HYDIN: variants seen among roughly 807,000 people sequenced by gnomAD.
HYDIN encodes the protein HYDIN axonemal central pair apparatus protein.
In HYDIN, 132 loss-of-function variants were observed where a neutral mutation model predicts 403.9. The ratio of observed to expected loss-of-function variants is 0.33; its 90% confidence interval spans 0.28 to 0.38. The LOEUF (loss-of-function observed/expected upper bound fraction) is 0.38. HYDIN is among the 10% of genes least tolerant of loss of function. HYDIN has a pLI of 1.00. For missense variants in HYDIN, 2,827 were observed against 5,009.5 expected (o/e 0.56, Z 13.15); for synonymous variants, 1,202 against 1,891.7 (o/e 0.64, Z 9.46).
At chr16:71,161,556 G>T (rs8061400) in intron 6 of HYDIN, among the ~76,000 whole-genome samples, 1 of 151,938 alleles carries the variant, frequency 6.6e-6, no homozygotes, top group Non-Finnish European at 1.5e-5. Flanking sequence ...TCTATCCCTC[G>T]GTTTTCTCAT....
intron 75 of HYDIN, among the ~76,000 whole-genome samples, chr16:70,849,223 A>G (rs1014734253): frequency 2.0e-5 from 3 of 152,166 alleles, no homozygotes; most frequent in East Asian, 1.9e-4. Flanking sequence ...AAAATACCAC[A>G]AAGCTCACTG....
chr16:71,214,819 TG>T (rs1219511529), intron 1 of HYDIN, among the ~76,000 whole-genome samples: 2 of 145,540 alleles, frequency 1.4e-5, no homozygotes, highest in African/African-American at 4.8e-5. Flanking sequence ...AGCCTTAAAC[TG>T]CTTTTATTTC....
At chr16:70,851,203 CAAAAAA>C (rs4028101) in intron 73 of HYDIN, among the ~76,000 whole-genome samples, 2 of 22,176 alleles carry the variant, frequency 9.0e-5, no homozygotes, top group South Asian at 1.6e-3. Context: ...ATCAATCCTG[CAAAAAA>C]AAAAAAAAAA....
intron 1 of HYDIN, among the ~76,000 whole-genome samples, chr16:71,214,764 G>C (rs544452412): frequency 1.2e-4 from 19 of 152,224 alleles, no homozygotes; most frequent in South Asian, 8.3e-4. Flanking sequence ...GGTCCCAGTG[G>C]GACAAAACCT....
At chr16:71,164,157 G>A (rs1165120329) in intron 5 of HYDIN, among the ~76,000 whole-genome samples, 1 of 133,490 alleles carries the variant, frequency 7.5e-6, no homozygotes, top group Non-Finnish European at 1.6e-5. Context: ...TCCTTTTATT[G>A]TGTGTTTTAG....
At position 71,102,415 on chromosome 16, in the gene HYDIN, A is replaced by G. The variant is rs113937584; in HGVS notation, c.1328-8480T>C. On this transcript the variant is annotated intron_variant, in intron 10 of 85. Transcript: ENST00000393567. ...TACATTTTGTTGTGTGTTTGTGTGC[A>G]CAAAATTGTTTATTATATGGGTATT... Among the ~76,000 whole-genome samples, 1,414 of 152,238 alleles carry G rather than the reference A, an allele frequency of 9.3e-3. 15 individuals carry two copies. Among genetic ancestry groups the G allele is most frequent in the African/African-American group, 0.032 (1,343 of 41,560 alleles).
At chr16:70,924,986 A>G (rs1019977837) in intron 45 of HYDIN, among the ~76,000 whole-genome samples, 2 of 151,882 alleles carry the variant, frequency 1.3e-5, no homozygotes, top group Non-Finnish European at 1.5e-5. Flanking sequence ...AAGAAAAAGA[A>G]AAAGAAAAAA....
At chr16:71,154,276 CTT>C (rs1345418670) in intron 6 of HYDIN, among the ~76,000 whole-genome samples, 1 of 151,182 alleles carries the variant, frequency 6.6e-6, no homozygotes, top group African/African-American at 2.4e-5. Context: ...AAAAAATTTA[CTT>C]TTTGTGGGTA....
intron 84 of HYDIN, chr16:70,811,444 GT>G (rs1019923452): frequency 6.6e-6 from 1 of 152,482 alleles, no homozygotes; most frequent in Non-Finnish European, 1.5e-5. Context: ...CTCTAAAAAA[GT>G]TTTTTAAAAA....
intron 69 of HYDIN, 94 bp downstream of exon 69, chr16:70,861,954 A>G: frequency 8.1e-7 from 1 of 1,233,116 alleles, no homozygotes; most frequent in Non-Finnish European, 1.1e-6. Flanking sequence ...TAGGGCCAGA[A>G]AGGATGGTGG....
chr16:71,105,482 C>T (rs2083587070), intron 10 of HYDIN, among the ~76,000 whole-genome samples: 1 of 125,784 alleles, frequency 8.0e-6, no homozygotes, highest in Non-Finnish European at 1.7e-5. Flanking sequence ...CTAATTCAAT[C>T]TCCATTCTTT....
intron 1 of HYDIN, among the ~76,000 whole-genome samples, chr16:71,214,916 C>T (rs1044803207): frequency 4.6e-5 from 7 of 152,214 alleles, no homozygotes; most frequent in Non-Finnish European, 7.3e-5. Flanking sequence ...GTCCTAGACT[C>T]AGGCTCTGTC....
intron 8 of HYDIN, chr16:71,132,455 TTCTC>T (rs1427658295): frequency 3.2e-5 from 1 of 31,632 alleles, no homozygotes; most frequent in Admixed American, 3.9e-4. Context: ...AAAATATGAC[TTCTC>T]TCTGTCTCTC....
intron 30 of HYDIN, among the ~76,000 whole-genome samples, chr16:70,977,092 C>T (rs2078909915): frequency 6.6e-6 from 1 of 152,036 alleles, no homozygotes; most frequent in Admixed American, 6.6e-5. Flanking sequence ...GAAACCCCAC[C>T]CCACTGCTCT....
In HYDIN at chr16:70,955,396, C is replaced by T. The variant is rs1798337; in HGVS notation, c.6295G>A (p.Val2099Met). 11 of 1,609,060 alleles carry T rather than the reference C, an allele frequency of 6.8e-6. No homozygotes were observed. Among genetic ancestry groups the T allele is most frequent in the East Asian group, 6.7e-5 (3 of 44,870 alleles). Residue 2099 changes from valine to methionine, a missense_variant, in exon 40 of 86, where the codon GTG becomes ATG. Val to Met is a conservative substitution (Grantham distance 21, BLOSUM62 1). Coordinates refer to ENST00000393567, the MANE Select transcript of HYDIN (RefSeq NM_001270974.2). ...LCIRAAIEQS[V>M]KEGEEAAQEA... ...TTACCAGCCTCCTCTCCTTCCTTCA[C>T]GGACTGCTCTATGGCAGCCCTGATG... is the stretch of plus-strand genomic sequence containing the variant.
intron 66 of HYDIN, among the ~76,000 whole-genome samples, 198 bp from the exon 67 acceptor site, chr16:70,866,527 G>A (rs1303051764): frequency 1.3e-5 from 2 of 152,112 alleles, no homozygotes; most frequent in Non-Finnish European, 2.9e-5. Flanking sequence ...TAGTCATCTA[G>A]ATGAAAAATA....
chr16:70,948,643 C>T (rs77326832), intron 41 of HYDIN, among the ~76,000 whole-genome samples: 1 of 151,816 alleles, frequency 6.6e-6, no homozygotes, highest in African/African-American at 2.4e-5. Flanking sequence ...AAAAAGTGGG[C>T]AAAGGACATG....
rs759654765 is a variant in HYDIN at position 71,184,912 on chromosome 16, G to A, written c.214C>T (p.Pro72Ser). 1.8e-5 allele frequency: 29 copies of A among 1,610,148 alleles called. No homozygotes were observed. The highest frequency in any genetic ancestry group is 2.5e-5 in the Non-Finnish European group (29 of 1,177,460). ...RLAKTRLMCR[P>S]QIIELLDMGE... Reference sequence around the variant, plus strand: ...ATATCTAAGAGTTCGATGATCTGTGGTCGGCACATCAAACGTGTTTTTGCC... The same window carrying A: ...ATATCTAAGAGTTCGATGATCTGTGATCGGCACATCAAACGTGTTTTTGCC... Residue 72 changes from proline (P) to serine (S), a missense_variant, in exon 3 of 86, where the codon CCA (proline) becomes TCA (serine). Pro to Ser is a moderately conservative substitution (Grantham distance 74). Coordinates refer to ENST00000393567, the MANE Select transcript of HYDIN (RefSeq NM_001270974.2).
chr16:71,023,113 G>T (rs984890704), intron 21 of HYDIN, among the ~76,000 whole-genome samples: 7 of 152,166 alleles, frequency 4.6e-5, no homozygotes, highest in South Asian at 4.1e-4. Flanking sequence ...CAGTGCAGCT[G>T]TTGCCAATAA....
Sources: allele counts gnomAD v4.1 joint callset (sites outside exome capture counted in the v4.1 genomes callset), GRCh38; gene constraint gnomAD v4.1.1; transcripts MANE v1.5; gene names NCBI Gene and HGNC (gene_info 2026-07-23, HGNC 2026-07-21).